The following DIAPH1 variants were observed in gnomAD, a reference collection of about 807,000 sequenced individuals.
DIAPH1 encodes the protein diaphanous related formin 1.
DIAPH1 carries 46 observed loss-of-function variants against 140.7 expected under a neutral mutation model. The observed-to-expected ratio is 0.33, with a 90% confidence interval of 0.26 to 0.42. The LOEUF (loss-of-function observed/expected upper bound fraction) is 0.42, where lower values mean the gene tolerates loss of function less well. Among genes scored for constraint, DIAPH1 ranks in the 10% least tolerant of loss-of-function variants. The pLI, the probability that DIAPH1 is intolerant of heterozygous loss-of-function variation, is 1.00. For synonymous variants in DIAPH1, 565 were observed against 551.6 expected (o/e 1.02, Z -0.34); for missense variants, 1,310 against 1,558.7 (o/e 0.84, Z 2.69).
chr5:141,564,020 G>A (rs1308540979), intron 18 of DIAPH1: 1 of 152,180 alleles, frequency 6.6e-6, no homozygotes, highest in Non-Finnish European at 1.5e-5. Flanking sequence ...TGTATATAAT[G>A]AGGCTACAAT....
Position 141,576,764 on chromosome 5 carries a change from C to T in DIAPH1, c.1388G>A (p.Gly463Glu). ...TAGAAGAGTATGCTTACCAATTAAT[C>T]CCTCAATCTCAATCTGGAGGTGCCG... ...KCRHLQIEIE[G>E]LIDQMIDKTK... The change falls in exon 13 of 28, where the codon GGA (glycine) becomes GAA (glutamate). Residue 463 changes from glycine (G) to glutamate (E), a missense_variant. Physicochemically the swap from Gly to Glu is moderately conservative, Grantham distance 98. Around this residue, in one of 3 missense-constraint regions of DIAPH1, gnomAD observed 589 missense variants for 549.3 expected, o/e 1.07. Coordinates refer to ENST00000389054, the MANE Select transcript of DIAPH1 (RefSeq NM_005219.5). The T allele has an allele frequency of 6.2e-7, 1 of 1,604,530 alleles. No homozygotes were observed. The highest frequency in any genetic ancestry group is 8.5e-7 in the Non-Finnish European group (1 of 1,171,454).
intron 18 of DIAPH1, among the ~76,000 whole-genome samples, chr5:141,544,901 T>G (rs1291697020): frequency 1.3e-5 from 2 of 152,198 alleles, no homozygotes; most frequent in Admixed American, 1.3e-4. Context: ...TAGGTGTTTA[T>G]CCCTCCAAAA....
chr5:141,615,724 C>T (rs924928675), intron 1 of DIAPH1, among the ~76,000 whole-genome samples: 1 of 151,996 alleles, frequency 6.6e-6, no homozygotes, highest in Admixed American at 6.5e-5. Context: ...GCCTGGGCAA[C>T]AGAGCGAGAC....
Position 141,573,534 on chromosome 5 carries a change from A to G in DIAPH1, c.2316T>C (p.Leu772=). Residue 772 remains leucine (L), a synonymous_variant, in exon 16 of 28, where the codon CTT becomes CTC. Transcript: ENST00000389054. ...VLPFGLTPKK[L]YKPEVQLRRP... is the part of the protein sequence containing the mutation. Reference sequence around the variant, plus strand: ...TCCGGAGCTGCACCTCTGGCTTATAAAGCTTTTTGGGGGTTAATCCAAATG... The same window carrying G: ...TCCGGAGCTGCACCTCTGGCTTATAGAGCTTTTTGGGGGTTAATCCAAATG... 1 of 1,613,962 alleles carries G rather than the reference A, an allele frequency of 6.2e-7. No homozygotes were observed. Among genetic ancestry groups the G allele is most frequent in the Non-Finnish European group, 8.5e-7 (1 of 1,179,938 alleles).
In DIAPH1 at chr5:141,580,811, G is replaced by C; in HGVS notation, c.757C>G (p.Pro253Ala). Residue 253 changes from proline to alanine, a missense_variant, in exon 8 of 28, where the codon CCC (proline) becomes GCC (alanine). Pro to Ala is a conservative substitution (Grantham distance 27). Transcript: ENST00000389054. ...TTAGCTGCATCAATCATCATGTTGG[G>C]AACAGCAGGATCCATGGCTCTGACC... ...LLVRAMDPAV[P>A]NMMIDAAKLL... 3.7e-6 allele frequency: 6 copies of C among 1,614,142 alleles called. No homozygotes were observed. The highest frequency in any genetic ancestry group is 4.2e-6 in the Non-Finnish European group (5 of 1,179,962).
At chr5:141,586,814 T>C (rs1358554005) in intron 3 of DIAPH1, among the ~76,000 whole-genome samples, 3 of 152,222 alleles carry the variant, frequency 2.0e-5, no homozygotes, top group African/African-American at 7.2e-5. Context: ...CAGAAGACCA[T>C]GAACAAGACA....
chr5:141,589,351 C>A (rs1433081937), intron 1 of DIAPH1, among the ~76,000 whole-genome samples: 7 of 152,122 alleles, frequency 4.6e-5, no homozygotes, highest in Admixed American at 4.6e-4. Flanking sequence ...ATTATTGTGA[C>A]AAAAGTTGTC....
intron 18 of DIAPH1, among the ~76,000 whole-genome samples, chr5:141,554,172 G>T (rs1278483775): frequency 6.6e-6 from 1 of 152,042 alleles, no homozygotes; most frequent in Non-Finnish European, 1.5e-5. Context: ...AGCTACTCGG[G>T]AGGCTGAGGC....
intron 27 of DIAPH1, chr5:141,519,141 T>G: frequency 1.3e-6 from 1 of 765,214 alleles, no homozygotes; most frequent in South Asian, 1.6e-5. Context: ...GCCCCGTGAC[T>G]GAGACAAGTG....
chr5:141,529,347 T>C, intron 20 of DIAPH1, 74 bp from the exon 21 acceptor site: 1 of 1,191,566 alleles, frequency 8.4e-7, no homozygotes, highest in South Asian at 1.2e-5. Flanking sequence ...TTTTACTCTG[T>C]TGTCAGTCCC....
intron 18 of DIAPH1, among the ~76,000 whole-genome samples, chr5:141,571,091 A>C (rs2099895110): frequency 6.6e-6 from 1 of 152,204 alleles, no homozygotes; most frequent in Non-Finnish European, 1.5e-5. Context: ...TTCTCTGCAT[A>C]TCAAATAGGG....
chr5:141,576,127 G>T, intron 14 of DIAPH1, 103 bp downstream of exon 14: 1 of 1,005,952 alleles, frequency 9.9e-7, no homozygotes, highest in Non-Finnish European at 1.6e-6. Context: ...GGTGCTAAAC[G>T]CTTCCAAAAT....
At chr5:141,604,052 TA>T (rs2154597171) in intron 1 of DIAPH1, among the ~76,000 whole-genome samples, 1 of 152,316 alleles carries the variant, frequency 6.6e-6, no homozygotes, top group East Asian at 1.9e-4. Context: ...CCTTGCACTA[TA>T]AAGCACACAT....
intron 8 of DIAPH1, 29 bp from the exon 9 acceptor site, chr5:141,579,225 C>T (rs2099896389): frequency 6.4e-7 from 1 of 1,567,756 alleles, no homozygotes; most frequent in South Asian, 1.1e-5. Context: ...ACGGAGAGAA[C>T]TTTCCAGGTA....
chr5:141,534,510 G>A (rs997828855), intron 18 of DIAPH1, 77 bp from the exon 19 acceptor site: 12 of 1,124,216 alleles, frequency 1.1e-5, no homozygotes, highest in Middle Eastern at 1.9e-4. Context: ...ACTGTCCAGC[G>A]TGAAATGGCC....
chr5:141,590,942 T>C (rs140239770), intron 1 of DIAPH1, among the ~76,000 whole-genome samples: 12 of 152,266 alleles, frequency 7.9e-5, no homozygotes, highest in Non-Finnish European at 1.6e-4. Context: ...CCATTCTCCA[T>C]ACTATATCCA....
intron 1 of DIAPH1, among the ~76,000 whole-genome samples, chr5:141,590,369 G>A (rs1057247203): frequency 6.6e-6 from 1 of 152,156 alleles, no homozygotes; most frequent in African/African-American, 2.4e-5. Context: ...ATGAGAAAGG[G>A]TCCACGGAAT....
At chr5:141,558,729 A>G (rs1039182227) in intron 18 of DIAPH1, among the ~76,000 whole-genome samples, 14 of 152,150 alleles carry the variant, frequency 9.2e-5, no homozygotes, top group Non-Finnish European at 2.1e-4. Context: ...CCAAGTACCT[A>G]TGACTAAAAA....
chr5:141,581,734 C>G (rs1223358651), intron 7 of DIAPH1, among the ~76,000 whole-genome samples: 18 of 152,000 alleles, frequency 1.2e-4, no homozygotes, highest in Admixed American at 1.3e-4. Context: ...AACTACAGGT[C>G]AGGAAATTCA....
Sources: gnomAD v4.1 joint callset for allele counts (sites outside exome capture counted in the v4.1 genomes callset) on GRCh38, gnomAD v4.1.1 for gene constraint, gnomAD v4.1.1 regional missense constraint, MANE v1.5 for transcripts, NCBI Gene and HGNC (gene_info 2026-07-23, HGNC 2026-07-21) for gene names.